Variants in LRP2 observed in about 807,000 individuals in gnomAD.
The protein encoded by LRP2 is LDL receptor related protein 2, also known as low-density lipoprotein receptor-related protein 2.
A neutral mutation model predicts 531.0 loss-of-function variants in LRP2; 172 were observed. The ratio of observed to expected loss-of-function variants is 0.32; its 90% CI spans 0.29 to 0.37. LRP2 has a LOEUF of 0.37. Among genes scored for constraint, LRP2 ranks in the 10% least tolerant of loss-of-function variants. The pLI is 1.00. For synonymous variants in LRP2, 1,992 were observed against 2,027.6 expected (o/e 0.98, Z 0.47); for missense variants, 5,167 against 5,868.3 (o/e 0.88, Z 3.90).
At chr2:169,180,278 G>A (rs144189497) in intron 52 of LRP2, among the ~76,000 whole-genome samples, 398 of 152,310 alleles carry the variant, frequency 2.6e-3, no homozygotes, top group African/African-American at 8.8e-3. Context: ...TGCCTTTTAA[G>A]AGAGGATACA....
At chr2:169,327,844 C>T (rs1324250160) in intron 1 of LRP2, among the ~76,000 whole-genome samples, 8 of 64,564 alleles carry the variant, frequency 1.2e-4, no homozygotes, top group Admixed American at 9.6e-4. Context: ...AAGTGAGGAG[C>T]CCCTCTGCCC....
At chr2:169,226,706 A>T in intron 31 of LRP2, 118 bp from the exon 32 acceptor site, 2 of 769,770 alleles carry the variant, frequency 2.6e-6, no homozygotes, top group Non-Finnish European at 4.5e-6. Flanking sequence ...GCAGCATTGC[A>T]GCAATAAATA....
intron 70 of LRP2, among the ~76,000 whole-genome samples, chr2:169,144,277 G>A (rs1685827099): frequency 6.6e-6 from 1 of 152,148 alleles, no homozygotes; most frequent in Non-Finnish European, 1.5e-5. Flanking sequence ...TGGGGCCCAC[G>A]AATCTATATT....
chr2:169,345,407 G>A (rs1314085753), intron 1 of LRP2, among the ~76,000 whole-genome samples: 1 of 152,132 alleles, frequency 6.6e-6, no homozygotes, highest in Non-Finnish European at 1.5e-5. Flanking sequence ...AAGGAACACT[G>A]CGTAAATAAA....
chr2:169,241,123 CCTT>C lies in LRP2; in HGVS notation c.3907_3909del (p.Lys1303del), dbSNP rs773732182. On this transcript the variant is annotated inframe_deletion, in exon 25 of 79. Transcript: ENST00000649046. ...CAGCGAAAGGGCTGAGTAGGGCAGT[CCTT>C]CTCATCACTCATATCCCCGCAGTCA... 4.3e-6 allele frequency: 7 copies of C among 1,613,848 alleles called. No individual in the cohort carries two copies. The African/African-American group carries it at 9.3e-5, about 22-fold the overall frequency.
intron 33 of LRP2, among the ~76,000 whole-genome samples, chr2:169,222,499 G>A (rs1290895084): frequency 1.3e-5 from 2 of 151,976 alleles, no homozygotes; most frequent in Non-Finnish European, 2.9e-5. Context: ...TTTTCCCTAC[G>A]TCTTCATTTG....
At chr2:169,217,299 C>A (rs1688835137) in intron 34 of LRP2, among the ~76,000 whole-genome samples, 1 of 152,128 alleles carries the variant, frequency 6.6e-6, no homozygotes, top group Non-Finnish European at 1.5e-5. Flanking sequence ...TCTTCCACCA[C>A]CAAATCAATA....
intron 63 of LRP2, among the ~76,000 whole-genome samples, chr2:169,158,238 A>T (rs2105364683): frequency 6.6e-6 from 1 of 152,196 alleles, no homozygotes; most frequent in African/African-American, 2.4e-5. Flanking sequence ...CAAGGACTTT[A>T]AAAATATTCA....
intron 8 of LRP2, 70 bp from the exon 9 acceptor site, chr2:169,289,215 C>CTT: frequency 6.3e-7 from 1 of 1,592,202 alleles, no homozygotes; most frequent in African/African-American, 1.3e-5. Flanking sequence ...CTAATAGCTT[C>CTT]TTTTTCCATG....
At chr2:169,213,536 AC>A (rs1452552967) in intron 36 of LRP2, 120 bp downstream of exon 36, 1 of 860,628 alleles carries the variant, frequency 1.2e-6, no homozygotes, top group East Asian at 2.5e-5. Context: ...ATTTCAGGTA[AC>A]TTCAATTTGT....
chr2:169,322,562 T>C (rs1393785441), intron 1 of LRP2, among the ~76,000 whole-genome samples: 1 of 152,216 alleles, frequency 6.6e-6, no homozygotes, highest in Non-Finnish European at 1.5e-5. Flanking sequence ...ACAAATTCAC[T>C]CTGGAATCCC....
intron 38 of LRP2, 64 bp from the exon 39 acceptor site, chr2:169,207,314 T>G: frequency 1.7e-6 from 2 of 1,191,630 alleles, no homozygotes; most frequent in Middle Eastern, 2.3e-4. Flanking sequence ...AGGGAGAACT[T>G]TACAAATTCA....
chr2:169,177,677 T>C, intron 53 of LRP2, 126 bp downstream of exon 53: 1 of 847,486 alleles, frequency 1.2e-6, no homozygotes, highest in East Asian at 2.4e-5. Context: ...TTTCAGCATA[T>C]GCTTTGAAGA....
intron 76 of LRP2, among the ~76,000 whole-genome samples, chr2:169,134,329 T>A (rs1685412463): frequency 6.6e-6 from 1 of 152,172 alleles, no homozygotes; most frequent in Non-Finnish European, 1.5e-5. Context: ...GTTCCCCAGC[T>A]CCTTCAGCTG....
intron 1 of LRP2, among the ~76,000 whole-genome samples, chr2:169,349,397 G>T (rs1685783988): frequency 6.6e-6 from 1 of 152,176 alleles, no homozygotes; most frequent in Admixed American, 6.5e-5. Context: ...GGAAAACAAG[G>T]ATATCACTGT....
Position 169,238,160 on chromosome 2 carries a change from A to G in LRP2, c.4437T>C (p.Arg1479=). 2 of 1,614,192 alleles carry G rather than the reference A, an allele frequency of 1.2e-6. No homozygotes were observed. The highest frequency in any genetic ancestry group is 1.7e-6 in the Non-Finnish European group (2 of 1,180,000). Residue 1479 remains arginine, a synonymous_variant, in exon 27 of 79, where the codon CGT becomes CGC. Transcript: ENST00000649046. Reference sequence around the variant, plus strand: ...CCTGAGTTGCATCAGACCAAAAGATACGACCACTAATTGAATCAAAATCAA... The same window carrying G: ...CCTGAGTTGCATCAGACCAAAAGATGCGACCACTAATTGAATCAAAATCAA... ...VAVDFDSISG[R]IFWSDATQGK... is the part of the protein sequence containing the mutation.
rs553730768 is a variant in LRP2 at position 169,341,642 on chromosome 2, T to C, written c.79+20679A>G. Reference sequence around the variant, plus strand: ...AAGTGTGGTTCTCCTTTTCCTCTTATTATTAATTTAAAGTTACAAGAAAGT... The same window carrying C: ...AAGTGTGGTTCTCCTTTTCCTCTTACTATTAATTTAAAGTTACAAGAAAGT... On this transcript the variant is annotated intron_variant, in intron 1 of 78. Coordinates refer to ENST00000649046, the MANE Select transcript of LRP2 (RefSeq NM_004525.3). Among the ~76,000 whole-genome samples the C allele has an allele frequency of 2.6e-5, 4 of 152,162 alleles. No homozygotes were observed. In the South Asian group the frequency reaches 8.3e-4, roughly 32 times the overall value.
intron 9 of LRP2, among the ~76,000 whole-genome samples, chr2:169,288,312 A>G (rs1683910043): frequency 6.6e-6 from 1 of 152,242 alleles, no homozygotes; most frequent in Admixed American, 6.5e-5. Context: ...GCTGGCATCA[A>G]AATCAAAAAT....
intron 72 of LRP2, among the ~76,000 whole-genome samples, chr2:169,140,046 G>A (rs6746604): frequency 4.6e-5 from 7 of 151,986 alleles, no homozygotes; most frequent in Admixed American, 4.6e-4. Flanking sequence ...TGCTCATCAC[G>A]AGTGCCTTGT....
Sources: allele counts gnomAD v4.1 joint callset (sites outside exome capture counted in the v4.1 genomes callset), GRCh38; gene constraint gnomAD v4.1.1; transcripts MANE v1.5; gene names NCBI Gene and HGNC (gene_info 2026-07-23, HGNC 2026-07-21).